SYN3: variants seen among roughly 807,000 people sequenced by gnomAD.
SYN3 encodes synapsin III.
A neutral mutation model predicts 65.8 loss-of-function variants in SYN3; 35 were observed. The ratio of observed to expected loss-of-function variants is 0.53; its 90% CI spans 0.41 to 0.70. The LOEUF (loss-of-function observed/expected upper bound fraction) is 0.70. Among genes scored for constraint, SYN3 ranks in the 30% least tolerant of loss-of-function variants. The pLI is 0.00. For synonymous variants in SYN3, 270 were observed against 292.9 expected, an observed-to-expected ratio of 0.92 and a Z score of 0.80; for missense variants, 680 against 749.0, an observed-to-expected ratio of 0.91 and a Z score of 1.08.
intron 6 of SYN3, among the ~76,000 whole-genome samples, chr22:32,823,663 C>T (rs1345573276): frequency 6.6e-6 from 1 of 152,156 alleles, no homozygotes; most frequent in Non-Finnish European, 1.5e-5. Context: ...AGCATGGTAA[C>T]TGGCTGAGGC....
intron 6 of SYN3, among the ~76,000 whole-genome samples, chr22:32,825,024 T>C (rs1293641626): frequency 6.6e-6 from 1 of 152,194 alleles, no homozygotes; most frequent in African/African-American, 2.4e-5. Context: ...ACCCTGGAAC[T>C]TTGAAATCGC....
At chr22:32,814,337 A>C (rs926272574) in intron 6 of SYN3, among the ~76,000 whole-genome samples, 1 of 25,880 alleles carries the variant, frequency 3.9e-5, no homozygotes, top group African/African-American at 1.6e-4. Context: ...GAAAGAAAGA[A>C]AGAGAAAGAA....
intron 13 of SYN3, chr22:32,514,565 C>T (rs944264483): frequency 3.9e-5 from 6 of 152,214 alleles, no homozygotes; most frequent in African/African-American, 1.4e-4. Flanking sequence ...TGAGCACTTC[C>T]CCTGTGCTAG....
At chr22:32,548,531 C>T (rs1032167917) in intron 7 of SYN3, among the ~76,000 whole-genome samples, 1 of 152,064 alleles carries the variant, frequency 6.6e-6, no homozygotes, top group South Asian at 2.1e-4. Context: ...CACCACCATG[C>T]CCGGCTAATT....
At chr22:32,577,281 G>A (rs1289529471) in intron 7 of SYN3, among the ~76,000 whole-genome samples, 1 of 152,168 alleles carries the variant, frequency 6.6e-6, no homozygotes, top group Non-Finnish European at 1.5e-5. Context: ...TACCTGCGAT[G>A]TCTCCTTATC....
intron 3 of SYN3, among the ~76,000 whole-genome samples, chr22:32,963,817 C>T (rs928954115): frequency 1.3e-5 from 2 of 152,112 alleles, no homozygotes; most frequent in Admixed American, 6.5e-5. Context: ...CTAAGGGAGC[C>T]AGTGAGAGAC....
intron 1 of SYN3, chr22:33,015,220 CAAAAAAA>C (rs1158885870): frequency 3.9e-5 from 4 of 102,014 alleles, no homozygotes; most frequent in East Asian, 5.6e-4. Flanking sequence ...GACTCCGTCT[CAAAAAAA>C]AAAAAAAAAA....
intron 6 of SYN3, among the ~76,000 whole-genome samples, chr22:32,807,795 T>C (rs1022054023): frequency 1.3e-4 from 20 of 152,020 alleles, no homozygotes; most frequent in Non-Finnish European, 4.4e-5. Flanking sequence ...TTATATAATA[T>C]GCATTTTCAA....
intron 4 of SYN3, among the ~76,000 whole-genome samples, chr22:32,877,384 G>A (rs2049011482): frequency 6.6e-6 from 1 of 152,168 alleles, no homozygotes; most frequent in African/African-American, 2.4e-5. Flanking sequence ...CGCAGCTATT[G>A]GTGATGGAAC....
chr22:32,779,938 C>T (rs1313669313), intron 6 of SYN3, among the ~76,000 whole-genome samples: 6 of 151,848 alleles, frequency 4.0e-5, no homozygotes, highest in African/African-American at 9.7e-5. Flanking sequence ...TATGGTGAGG[C>T]GGTGCAAACC....
intron 6 of SYN3, among the ~76,000 whole-genome samples, chr22:32,627,239 G>T (rs1010961813): frequency 3.9e-5 from 6 of 152,144 alleles, no homozygotes; most frequent in Non-Finnish European, 8.8e-5. Flanking sequence ...GAACATTTGG[G>T]AACACAGGAA....
intron 4 of SYN3, among the ~76,000 whole-genome samples, chr22:32,906,429 T>C (rs2049903775): frequency 6.6e-6 from 1 of 152,216 alleles, no homozygotes; most frequent in South Asian, 2.1e-4. Context: ...TTAGATGCCC[T>C]ATTCATTCCT....
chr22:32,982,308 T>A (rs2145661329), intron 2 of SYN3, among the ~76,000 whole-genome samples: 1 of 152,176 alleles, frequency 6.6e-6, no homozygotes, highest in East Asian at 1.9e-4. Flanking sequence ...AAAGCAGTCC[T>A]CATTTGTTCC....
chr22:32,779,199 C>T (rs2045975572), intron 6 of SYN3, among the ~76,000 whole-genome samples: 2 of 152,174 alleles, frequency 1.3e-5, no homozygotes, highest in Non-Finnish European at 2.9e-5. Flanking sequence ...GTGGCTCACG[C>T]CTGTAATCTC....
Position 32,923,086 on chromosome 22 carries a change from G to A in SYN3, c.461+8304C>T, listed in dbSNP as rs561687405. Among the ~76,000 whole-genome samples the A allele has an allele frequency of 2.0e-5, 3 of 152,326 alleles. No individual in the cohort carries two copies. The South Asian group carries it at 6.2e-4, about 32-fold the overall frequency. ...AGCTGGAGAACCAGGAAAGCTCATA[G>A]TGTGATTTGGTCTGAGTTTGAAGGC... On this transcript the variant is annotated intron_variant, in intron 4 of 13. Coordinates refer to ENST00000358763, the MANE Select transcript of SYN3 (RefSeq NM_003490.4).
At chr22:33,044,707 C>T (rs1205553427) in intron 1 of SYN3, among the ~76,000 whole-genome samples, 2 of 151,850 alleles carry the variant, frequency 1.3e-5, no homozygotes, top group African/African-American at 4.8e-5. Flanking sequence ...TCCCCAGCTC[C>T]CCCTAGGGTT....
chr22:32,737,486 C>G (rs368256787), intron 6 of SYN3, among the ~76,000 whole-genome samples: 1 of 151,900 alleles, frequency 6.6e-6, no homozygotes, highest in Non-Finnish European at 1.5e-5. Context: ...CCACAACAGG[C>G]CCCGGTGGGT....
At chr22:32,881,965 G>C (rs996754410) in intron 4 of SYN3, among the ~76,000 whole-genome samples, 1 of 151,812 alleles carries the variant, frequency 6.6e-6, no homozygotes, top group Non-Finnish European at 1.5e-5. Context: ...TGAGGCAGGG[G>C]AATCACTTGA....
chr22:32,851,176 G>A (rs1396611042), intron 6 of SYN3, among the ~76,000 whole-genome samples: 1 of 152,180 alleles, frequency 6.6e-6, no homozygotes, highest in Non-Finnish European at 1.5e-5. Flanking sequence ...CTGGCAGACA[G>A]CGCGGGAATG....
Sources: allele counts gnomAD v4.1 joint callset (sites outside exome capture counted in the v4.1 genomes callset), GRCh38; gene constraint gnomAD v4.1.1; transcripts MANE v1.5; gene names NCBI Gene and HGNC (gene_info 2026-07-23, HGNC 2026-07-21).